HERC5: variants seen among roughly 807,000 people sequenced by gnomAD.
The protein encoded by HERC5 is E3 ISG15--protein ligase HERC5.
In HERC5, 99 loss-of-function variants were observed where a neutral mutation model predicts 119.6. That is an observed-to-expected ratio of 0.83 (90% CI 0.70 to 0.98). HERC5 has a LOEUF of 0.98. Ranked by LOEUF, HERC5 falls within the 50% of genes least tolerant of loss-of-function variation. The pLI, the probability that HERC5 is intolerant of heterozygous loss-of-function variation, is 0.00. For missense variants in HERC5, 1,267 were observed against 1,241.3 expected, an observed-to-expected ratio of 1.02 and a Z score of -0.31; for synonymous variants, 478 against 445.9, an observed-to-expected ratio of 1.07 and a Z score of -0.91.
chr4:88,488,714 A>G (rs1476494624), intron 15 of HERC5, among the ~76,000 whole-genome samples: 1 of 151,600 alleles, frequency 6.6e-6, no homozygotes. Flanking sequence ...CTCTTTGGTG[A>G]CATCTCTCAT....
At chr4:88,457,555 A>G in intron 1 of HERC5, 21 bp downstream of exon 1, 1 of 1,238,128 alleles carries the variant, frequency 8.1e-7, no homozygotes, top group Non-Finnish European at 1.0e-6. Flanking sequence ...CTGGTGTGTG[A>G]GGGCTGTGAG....
intron 6 of HERC5, among the ~76,000 whole-genome samples, chr4:88,465,784 A>C (rs1335494966): frequency 6.6e-6 from 1 of 152,216 alleles, no homozygotes; most frequent in Admixed American, 6.5e-5. Flanking sequence ...AGAAAAGGAT[A>C]CAAACTAGTA....
intron 11 of HERC5, among the ~76,000 whole-genome samples, chr4:88,475,057 C>T (rs1319543664): frequency 6.7e-6 from 1 of 150,244 alleles, no homozygotes; most frequent in Non-Finnish European, 1.5e-5. Flanking sequence ...GAGACAGTTG[C>T]TCTTATGGAA....
At chr4:88,464,135 T>C in intron 6 of HERC5, 150 bp downstream of exon 6, 1 of 508,650 alleles carries the variant, frequency 2.0e-6, no homozygotes, top group Non-Finnish European at 3.2e-6. Context: ...ATAAATGTAA[T>C]ACCCCTTTTA....
At position 88,463,867 on chromosome 4, in the gene HERC5, T is replaced by C; in HGVS notation, c.793T>C (p.Phe265Leu). The change falls in exon 6 of 23, where the codon TTT (phenylalanine) becomes CTT (leucine). Residue 265 changes from phenylalanine to leucine, a missense_variant. Transcript: ENST00000264350. ...TCCCTTTCCTTAGGATGGGCTGCTG[T>C]TTACTTTCGGTGCTGGAAAACATGG... ...SALLTQDGLL[F>L]TFGAGKHGQL... 6.2e-7 allele frequency: 1 copy of C among 1,614,052 alleles called. No homozygotes were observed.
At chr4:88,461,953 CTG>C (rs1376405955) in intron 3 of HERC5, among the ~76,000 whole-genome samples, 180 bp from the exon 4 acceptor site, 1 of 152,076 alleles carries the variant, frequency 6.6e-6, no homozygotes, top group Non-Finnish European at 1.5e-5. Flanking sequence ...GGAAGTGTAA[CTG>C]TCACTGCTAA....
Position 88,503,044 on chromosome 4 carries a change from AGTGTTTTTCT to A in HERC5, c.2583-1185_2583-1176del, listed in dbSNP as rs1387484335. ...TTTATCAATATTTTCCTTAATGCAT[AGTGTTTTTCT>A]GTTTTCTATTTTATGAATACTTCCC... On this transcript the variant is annotated intron_variant, in intron 20 of 22. Transcript: ENST00000264350. Among the ~76,000 whole-genome samples, 3 of 152,156 alleles carry A rather than the reference AGTGTTTTTCT, an allele frequency of 2.0e-5. No individual in the cohort carries two copies. The East Asian group carries it at 5.8e-4, about 29-fold the overall frequency.
chr4:88,499,823 C>A, intron 18 of HERC5, 103 bp from the exon 19 acceptor site: 1 of 778,308 alleles, frequency 1.3e-6, no homozygotes. Context: ...CTATACCTGA[C>A]CTCATACCTT....
In HERC5 at chr4:88,506,095, T is replaced by C; in HGVS notation, c.*217T>C. ...CTGTATTCTCTCCCTTGGATACCCCTATGCCTACATCATATTCCTTACCTC... is the reference window on the plus strand; with the variant it reads ...CTGTATTCTCTCCCTTGGATACCCCCATGCCTACATCATATTCCTTACCTC... On this transcript the variant is annotated 3_prime_UTR_variant, in exon 23 of 23. Transcript: ENST00000264350. 1 of 535,224 alleles carries C rather than the reference T, an allele frequency of 1.9e-6. No individual in the cohort carries two copies. Among genetic ancestry groups the C allele is most frequent in the East Asian group, 3.0e-5 (1 of 32,844 alleles). The allele number at this position is 535,224 out of a possible 1,614,324, so 33.2% of individuals were successfully genotyped here. A position where few individuals can be genotyped will look rare whatever the true frequency, so the allele number is the denominator to read the frequency against.
At chr4:88,485,634 C>T (rs757609063) in intron 13 of HERC5, among the ~76,000 whole-genome samples, 128 of 152,074 alleles carry the variant, frequency 8.4e-4, no homozygotes, top group Non-Finnish European at 6.6e-4. Context: ...ATTGTCTTCA[C>T]GACATGCCAG....
chr4:88,457,646 C>G (rs1001027828), intron 1 of HERC5, 112 bp downstream of exon 1: 8 of 1,090,860 alleles, frequency 7.3e-6, no homozygotes, highest in Non-Finnish European at 9.3e-6. Context: ...CCCAGAAGGC[C>G]GCAGACGCGC....
Position 88,475,901 on chromosome 4 carries a change from G to T in HERC5, c.1453G>T (p.Glu485Ter), listed in dbSNP as rs1741048352. 1 of 1,613,848 alleles carries T rather than the reference G, an allele frequency of 6.2e-7. No homozygotes were observed. The highest frequency in any genetic ancestry group is 1.3e-5 in the African/African-American group (1 of 74,892). The stretch of plus-strand genomic sequence containing the variant: ...ACTTCCATTTCATTCTCCACCCCAA[G>T]AAGCTTTAGAAATTTTCTTCCTTCT... ...KRLPFHSPPQ[E>*]ALEIFFLLPE... The change falls in exon 12 of 23, where the codon GAA becomes TAA. Residue 485 changes from glutamate to a stop codon, truncating the protein, a stop_gained. Coordinates refer to ENST00000264350, the MANE Select transcript of HERC5 (RefSeq NM_016323.4). LOFTEE classifies it high-confidence loss of function.
At chr4:88,476,992 TATA>T (rs1741085604) in intron 12 of HERC5, among the ~76,000 whole-genome samples, 1 of 151,034 alleles carries the variant, frequency 6.6e-6, no homozygotes, top group African/African-American at 2.4e-5. Context: ...ATCATAATTT[TATA>T]ATATTATCCA....
intron 14 of HERC5, among the ~76,000 whole-genome samples, chr4:88,486,675 T>G (rs558027516): frequency 1.3e-5 from 2 of 152,312 alleles, no homozygotes; most frequent in South Asian, 2.1e-4. Flanking sequence ...CTCTGAAGGT[T>G]ATAATTCTCC....
At chr4:88,478,145 T>G (rs1481002206) in intron 12 of HERC5, among the ~76,000 whole-genome samples, 2 of 152,198 alleles carry the variant, frequency 1.3e-5, no homozygotes, top group Non-Finnish European at 2.9e-5. Flanking sequence ...CTAGCTGGAG[T>G]ACAGTGGTAC....
intron 17 of HERC5, 117 bp from the exon 18 acceptor site, chr4:88,494,048 A>T (rs186876509): frequency 1.1e-5 from 7 of 640,538 alleles, no homozygotes; most frequent in Non-Finnish European, 1.5e-5. Flanking sequence ...TCAGGCTTTA[A>T]ATTTTTCAAT....
At chr4:88,486,988 C>T (rs1741485632) in intron 14 of HERC5, 81 bp from the exon 15 acceptor site, 3 of 872,394 alleles carry the variant, frequency 3.4e-6, no homozygotes, top group Admixed American at 2.5e-5. Flanking sequence ...CTTAAACCAT[C>T]AGGGATGTAA....
In HERC5 at chr4:88,457,175, T is replaced by C. The variant is rs1740172220; in HGVS notation, c.-95T>C. On this transcript the variant is annotated 5_prime_UTR_variant, in exon 1 of 23. Coordinates refer to ENST00000264350, the MANE Select transcript of HERC5 (RefSeq NM_016323.4). ...GCAGCTGCGCGCAGCTGGTTCCCGC[T>C]CTGCAGCGCAACGCCTGAGGCAGTG... The C allele has an allele frequency of 4.0e-6, 5 of 1,236,468 alleles. No homozygotes were observed. In the East Asian group the frequency reaches 1.6e-4, roughly 39 times the overall value. The allele number at this position is 1,236,468 out of a possible 1,614,324, so 76.6% of individuals were successfully genotyped here. A position where few individuals can be genotyped will look rare whatever the true frequency, so the allele number is the denominator to read the frequency against.
chr4:88,465,571 C>A (rs1280687533), intron 6 of HERC5, among the ~76,000 whole-genome samples: 7 of 152,174 alleles, frequency 4.6e-5, no homozygotes, highest in Admixed American at 1.3e-4. Context: ...CATTCGGTAT[C>A]TCTTAACCAA....
Sources: allele counts gnomAD v4.1 joint callset (sites outside exome capture counted in the v4.1 genomes callset), GRCh38; gene constraint gnomAD v4.1.1; transcripts MANE v1.5; gene names NCBI Gene and HGNC (gene_info 2026-07-23, HGNC 2026-07-21).